The following ABTB2 variants were observed in gnomAD, a reference collection of about 807,000 sequenced individuals.
ABTB2 encodes the protein ankyrin repeat and BTB/POZ domain-containing protein 2.
ABTB2 carries 56 observed loss-of-function variants against 104.1 expected under a neutral mutation model. The observed-to-expected ratio is 0.54, with a 90% confidence interval of 0.43 to 0.67. ABTB2 has a LOEUF of 0.67. Among genes scored for constraint, ABTB2 ranks in the 30% least tolerant of loss-of-function variants. The pLI is 0.00. For missense variants in ABTB2, 1,279 were observed against 1,407.7 expected, an observed-to-expected ratio of 0.91 and a Z score of 1.46; for synonymous variants, 606 against 608.2, an observed-to-expected ratio of 1.00 and a Z score of 0.05.
rs992325361 is a variant in ABTB2, at chr11:34,152,291, G to A, written c.*96C>T. On this transcript the variant is annotated 3_prime_UTR_variant, in exon 17 of 17. Transcript: ENST00000435224. ...TGGGGGAGGAGGAGGAAACAGCCCC[G>A]TGAACCTGGCTCCAAGAGGGCCTAC... 2.6e-5 allele frequency: 36 copies of A among 1,370,210 alleles called. No homozygotes were observed. Among genetic ancestry groups the A allele is most frequent in the African/African-American group, 4.3e-5 (3 of 69,288 alleles). The allele number at this position is 1,370,210 out of a possible 1,614,324, so 84.9% of individuals were successfully genotyped here.
chr11:34,324,443 G>C (rs1478411670), intron 1 of ABTB2, among the ~76,000 whole-genome samples: 3 of 152,114 alleles, frequency 2.0e-5, no homozygotes, highest in Non-Finnish European at 2.9e-5. Context: ...GATTGATCAG[G>C]CTTGGTCCAT....
intron 4 of ABTB2, among the ~76,000 whole-genome samples, chr11:34,172,218 C>T (rs1473801399): frequency 1.3e-5 from 2 of 151,248 alleles, no homozygotes; most frequent in Non-Finnish European, 2.9e-5. Flanking sequence ...ACTAAAAATA[C>T]AAAACTACCC....
chr11:34,296,685 C>T (rs1483967320), intron 1 of ABTB2, among the ~76,000 whole-genome samples: 2 of 152,166 alleles, frequency 1.3e-5, no homozygotes, highest in Non-Finnish European at 1.5e-5. Context: ...CTCAGAACTG[C>T]ACACCACTGA....
intron 4 of ABTB2, among the ~76,000 whole-genome samples, chr11:34,172,440 A>G (rs1325553612): frequency 1.1e-5 from 1 of 92,132 alleles, no homozygotes; most frequent in East Asian, 2.2e-4. Flanking sequence ...GTGTGTATAT[A>G]GATAGATAGA....
intron 1 of ABTB2, among the ~76,000 whole-genome samples, chr11:34,270,363 G>A (rs1402070310): frequency 7.1e-6 from 1 of 141,180 alleles, no homozygotes; most frequent in Non-Finnish European, 1.5e-5. Flanking sequence ...TTTTTGAGAT[G>A]GAGTCTCATT....
At chr11:34,228,907 G>T (rs1488050817) in intron 1 of ABTB2, among the ~76,000 whole-genome samples, 1 of 151,942 alleles carries the variant, frequency 6.6e-6, no homozygotes, top group Admixed American at 6.6e-5. Flanking sequence ...ATCACTTTAG[G>T]TCAGGAGTTC....
At position 34,164,839 on chromosome 11, in the gene ABTB2, C is replaced by A. The variant is rs778958597; in HGVS notation, c.1853-18G>T. ...ATAGTTCCCTGAAAGAGAAGGTGGG[C>A]AGCACGGAGGACACTGAGACAGTAG... On this transcript the variant is annotated intron_variant, in intron 8 of 16. Coordinates refer to ENST00000435224, the MANE Select transcript of ABTB2 (RefSeq NM_145804.3). 7 of 1,584,732 alleles carry A rather than the reference C, an allele frequency of 4.4e-6. No homozygotes were observed. The highest frequency in any genetic ancestry group is 3.4e-4 in the Middle Eastern group (2 of 5,960).
At chr11:34,204,472 T>TC in intron 2 of ABTB2, 72 bp downstream of exon 2, 1 of 1,483,746 alleles carries the variant, frequency 6.7e-7, no homozygotes, top group African/African-American at 1.4e-5. Flanking sequence ...AGGCGAGCTC[T>TC]CCCTGCCTTC....
chr11:34,259,858 G>A (rs1290921413), intron 1 of ABTB2, among the ~76,000 whole-genome samples: 2 of 152,090 alleles, frequency 1.3e-5, no homozygotes, highest in South Asian at 2.1e-4. Context: ...AGGATGAAGC[G>A]TAGTGGCATA....
Position 34,197,554 on chromosome 11 carries a change from GA to G in ABTB2, c.1031-17del. 6.6e-7 allele frequency: 1 copy of G among 1,508,304 alleles called. No homozygotes were observed. Among genetic ancestry groups the G allele is most frequent in the South Asian group, 1.2e-5 (1 of 84,788 alleles). The allele number at this position is 1,508,304 out of a possible 1,614,324, so 93.4% of individuals were successfully genotyped here. ...ACCAAGTCACCTGGTGGGGGGCGGG[GA>G]GGGCAGAGGGGAGGAAGAGAAAAAA... On this transcript the variant is annotated splice_polypyrimidine_tract_variant and intron_variant, in intron 2 of 16. Transcript: ENST00000435224.
intron 1 of ABTB2, among the ~76,000 whole-genome samples, chr11:34,257,662 C>T (rs1232398019): frequency 6.6e-6 from 1 of 152,148 alleles, no homozygotes; most frequent in Non-Finnish European, 1.5e-5. Flanking sequence ...AAACATGGCT[C>T]ACTGCAGCTT....
Position 34,162,599 on chromosome 11 carries a change from A to T in ABTB2, c.2195T>A (p.Ile732Asn), listed in dbSNP as rs377044972. The change falls in exon 10 of 17, where the codon ATC (isoleucine) becomes AAC (asparagine). Residue 732 changes from isoleucine to asparagine, a missense_variant. Transcript: ENST00000435224. ...ACCCAGTGCCCTCAGCTCCATGGTGATGTCCACGTAGCCGTGCTCAGCGCT... is the reference window on the plus strand; with the variant it reads ...ACCCAGTGCCCTCAGCTCCATGGTGTTGTCCACGTAGCCGTGCTCAGCGCT... ...YYSAEHGYVD[I>N]TMELRALGVP... 88 of 1,613,504 alleles carry T rather than the reference A, an allele frequency of 5.5e-5. No homozygotes were observed. Among genetic ancestry groups the T allele is most frequent in the South Asian group, 2.1e-4 (19 of 91,070 alleles).
chr11:34,173,181 A>G lies in ABTB2; in HGVS notation c.1371T>C (p.Gly457=), dbSNP rs1241607540. Residue 457 remains glycine, a synonymous_variant, in exon 4 of 17, where the codon GGT becomes GGC. Coordinates refer to ENST00000435224, the MANE Select transcript of ABTB2 (RefSeq NM_145804.3). The part of the protein sequence containing the change: ...IRQAARLLLP[G]LDCEPRQLKP... ...TGAGCTGCCGAGGTTCACAGTCCAG[A>G]CCAGGCAGCAGCAGCCGGGCTGCCT... 1.2e-6 allele frequency: 2 copies of G among 1,613,728 alleles called. No homozygotes were observed. Among genetic ancestry groups the G allele is most frequent in the Admixed American group, 1.7e-5 (1 of 60,004 alleles).
chr11:34,250,336 G>C (rs769492297), intron 1 of ABTB2, among the ~76,000 whole-genome samples: 5 of 152,204 alleles, frequency 3.3e-5, no homozygotes, highest in Admixed American at 6.5e-5. Flanking sequence ...ACTGCAATCT[G>C]TAGGGCCAGG....
rs2133015168 is a variant in ABTB2, at chr11:34,171,082, G to A, written c.1398-11C>T. On this transcript the variant is annotated splice_polypyrimidine_tract_variant and intron_variant, in intron 4 of 16. Transcript: ENST00000435224. ...AAACAGTGTTCGGGTCTGCCCAGAA[G>A]AGACCCAAAGGTGCGTGTGACTGTA... is the stretch of plus-strand genomic sequence containing the variant. The A allele has an allele frequency of 1.2e-6, 2 of 1,613,426 alleles. No individual in the cohort carries two copies. The highest frequency in any genetic ancestry group is 1.1e-5 in the South Asian group (1 of 90,968).
intron 3 of ABTB2, among the ~76,000 whole-genome samples, chr11:34,184,515 C>T (rs984590937): frequency 4.6e-5 from 7 of 152,182 alleles, no homozygotes; most frequent in East Asian, 3.9e-4. Context: ...GGCGGCATTT[C>T]GTGTGGGTGA....
intron 1 of ABTB2, among the ~76,000 whole-genome samples, chr11:34,279,443 A>G (rs779306711): frequency 6.6e-6 from 1 of 152,146 alleles, no homozygotes; most frequent in Admixed American, 6.5e-5. Context: ...TAAAGAGCCT[A>G]CTATTTTATT....
intron 1 of ABTB2, among the ~76,000 whole-genome samples, chr11:34,232,449 CAAAAA>C (rs67998044): frequency 8.7e-6 from 1 of 115,330 alleles, no homozygotes. Flanking sequence ...GACTCTGTCT[CAAAAA>C]AAAAAAAAAA....
intron 1 of ABTB2, among the ~76,000 whole-genome samples, chr11:34,255,893 T>G (rs1255332914): frequency 1.3e-5 from 2 of 152,218 alleles, no homozygotes; most frequent in East Asian, 3.8e-4. Flanking sequence ...GGGAGAAATG[T>G]GATCCCACAA....
Sources: allele counts gnomAD v4.1 joint callset (sites outside exome capture counted in the v4.1 genomes callset), GRCh38; gene constraint gnomAD v4.1.1; transcripts MANE v1.5; gene names NCBI Gene and HGNC (gene_info 2026-07-23, HGNC 2026-07-21).